CCDC190: variants seen among roughly 807,000 people sequenced by gnomAD.
CCDC190 encodes coiled-coil domain containing 190.
A neutral mutation model predicts 13.1 loss-of-function variants in CCDC190; 10 were observed. The observed-to-expected ratio is 0.77, with a 90% CI of 0.47 to 1.30. The LOEUF (loss-of-function observed/expected upper bound fraction) is 1.30. CCDC190 is among the 50% of genes most tolerant of loss of function. CCDC190 has a pLI of 0.00. For missense variants in CCDC190, 375 were observed against 354.3 expected, an observed-to-expected ratio of 1.06 and a Z score of -0.47; for synonymous variants, 136 against 127.2, an observed-to-expected ratio of 1.07 and a Z score of -0.47.
At chr1:162,860,678 C>T (rs1027532892) in intron 1 of CCDC190, among the ~76,000 whole-genome samples, 1 of 152,048 alleles carries the variant, frequency 6.6e-6, no homozygotes, top group African/African-American at 2.4e-5. Context: ...CTGCCTCAAC[C>T]TCCCTTGTAG....
chr1:162,861,671 G>A (rs1650524017), upstream of CCDC190, among the ~76,000 whole-genome samples: 1 of 152,176 alleles, frequency 6.6e-6, no homozygotes. Context: ...TCAAAGTGGT[G>A]AAAACAGCAC....
In CCDC190 at chr1:162,859,673, G is replaced by A. The variant is rs778594007; in HGVS notation, c.-12-15C>T. 3 of 1,595,840 alleles carry A rather than the reference G, an allele frequency of 1.9e-6. No homozygotes were observed. Among genetic ancestry groups the A allele is most frequent in the Admixed American group, 1.7e-5 (1 of 57,366 alleles). On this transcript the variant is annotated splice_polypyrimidine_tract_variant and intron_variant, in intron 1 of 3. Transcript: ENST00000367912. ...TTCTTTATGGTCTAGAGACAATAAG[G>A]TATCACAAATAACCTGATAAATGGA...
chr1:162,851,601 G>C lies in CCDC190; in HGVS notation c.*3164C>G, dbSNP rs1650110562. The C allele has an allele frequency of 6.6e-6, 1 of 152,006 alleles. No homozygotes were observed. The highest frequency in any genetic ancestry group is 2.4e-5 in the African/African-American group (1 of 41,358). The allele number at this position is 152,006 out of a possible 1,614,324, so 9.4% of individuals were successfully genotyped here. A position where few individuals can be genotyped will look rare whatever the true frequency, so the allele number is the denominator to read the frequency against. ...AGAGAGACTGAGCCTCTACTTCTGG[G>C]AGTTTCCAGCTGCCTCTGCCTGTAG... is the stretch of plus-strand genomic sequence containing the variant. On this transcript the variant is annotated 3_prime_UTR_variant, in exon 4 of 4. Transcript: ENST00000367912.
At chr1:162,860,097 G>C (rs1285750462) in intron 1 of CCDC190, among the ~76,000 whole-genome samples, 2 of 152,120 alleles carry the variant, frequency 1.3e-5, no homozygotes, top group Non-Finnish European at 1.5e-5. Context: ...TTAGGACACG[G>C]CCATTCCTTC....
At position 162,854,261 on chromosome 1, in the gene CCDC190, A is replaced by C. The variant is rs61602289; in HGVS notation, c.*504T>G. 1.1e-3 allele frequency: 1,081 copies of C among 985,612 alleles called. 8 individuals are homozygous for C. The African/African-American group carries it at 0.018, about 16-fold the overall frequency. The allele number at this position is 985,612 out of a possible 1,614,324, so 61.1% of individuals were successfully genotyped here. A position where few individuals can be genotyped will look rare whatever the true frequency, so the allele number is the denominator to read the frequency against. The stretch of plus-strand genomic sequence containing the variant: ...AAATGGAGCTATCTGTAAATAAAGG[A>C]AGGAAGGAAAGGGCTTCCAAAGAGA... On this transcript the variant is annotated 3_prime_UTR_variant, in exon 4 of 4. Coordinates refer to ENST00000367912, the MANE Select transcript of CCDC190 (RefSeq NM_001394065.1).
chr1:162,859,130 GC>G (rs1484775676), intron 2 of CCDC190, among the ~76,000 whole-genome samples: 3 of 152,044 alleles, frequency 2.0e-5, no homozygotes, highest in African/African-American at 7.3e-5. Context: ...AACCAAATCA[GC>G]CCAGATAATG....
At chr1:162,862,155 A>G (rs947743628), upstream of CCDC190, among the ~76,000 whole-genome samples, 1 of 152,160 alleles carries the variant, frequency 6.6e-6, no homozygotes, top group Non-Finnish European at 1.5e-5. Flanking sequence ...ACCCCCAGCT[A>G]GAGGCTTGCT....
At chr1:162,860,629 C>T (rs1018049403) in intron 1 of CCDC190, among the ~76,000 whole-genome samples, 1 of 151,794 alleles carries the variant, frequency 6.6e-6, no homozygotes, top group Non-Finnish European at 1.5e-5. Context: ...GCGATCTCAG[C>T]TCACTGCAAC....
Position 162,859,621 on chromosome 1 carries a change from T to A in CCDC190, c.26A>T (p.Gln9Leu), listed in dbSNP as rs1224438882. The change falls in exon 2 of 4, where the codon CAA becomes CTA. Residue 9 changes from glutamine (Q) to leucine (L), a missense_variant. By Grantham distance (113) the Gln-to-Leu change is moderately radical. Coordinates refer to ENST00000367912, the MANE Select transcript of CCDC190 (RefSeq NM_001394065.1). The stretch of plus-strand genomic sequence containing the variant: ...CTCCAAATCAAAATGCTTATACAAT[T>A]GTCCCCTGACCATGTGCCTCTCCAT... MERHMVRG[Q>L]LYKHFDLERK... 1.2e-6 allele frequency: 2 copies of A among 1,613,732 alleles called. No homozygotes were observed.
At chr1:162,867,418 A>G (rs905864830) in intron 1 of CCDC190, among the ~76,000 whole-genome samples, 1 of 152,192 alleles carries the variant, frequency 6.6e-6, no homozygotes, top group Non-Finnish European at 1.5e-5. Flanking sequence ...ATTTAAATTT[A>G]AAAAAAGTGG....
rs1443478306 is a variant in CCDC190 at position 162,853,128 on chromosome 1, AG to A, written c.*1636del. On this transcript the variant is annotated 3_prime_UTR_variant, in exon 4 of 4. Transcript: ENST00000367912. ...ATTTCTTGTGTTCCTTTCACTATAA[AG>A]TATTGTCTCCCCATTGAAGGCCAGA... 29 of 1,550,482 alleles carry A rather than the reference AG, an allele frequency of 1.9e-5. No homozygotes were observed. Among genetic ancestry groups the A allele is most frequent in the Non-Finnish European group, 2.3e-5 (26 of 1,146,814 alleles).
intron 2 of CCDC190, among the ~76,000 whole-genome samples, chr1:162,858,487 C>A (rs1369707875): frequency 6.6e-6 from 1 of 152,152 alleles, no homozygotes; most frequent in Non-Finnish European, 1.5e-5. Context: ...TCTTTCAAAC[C>A]CAAAGCTGGA....
In CCDC190 at chr1:162,855,229, A is replaced by T; in HGVS notation, c.442T>A (p.Cys148Ser). The T allele has an allele frequency of 6.2e-7, 1 of 1,613,976 alleles. No homozygotes were observed. The highest frequency in any genetic ancestry group is 1.1e-5 in the South Asian group (1 of 91,080). The change falls in exon 4 of 4, where the codon TGC (cysteine) becomes AGC (serine). Residue 148 changes from cysteine to serine, a missense_variant. Cys to Ser is a moderately radical substitution (Grantham distance 112). Coordinates refer to ENST00000367912, the MANE Select transcript of CCDC190 (RefSeq NM_001394065.1). ...QPLSQNNRTA[C>S]FIKEQPQAQE... is the part of the protein sequence containing the mutation. ...GCTTGTGGTTGCTCTTTTATGAAGC[A>T]GGCAGTTCTGTTATTTTGAGAGAGT...
At chr1:162,865,836 A>G (rs1441991428), upstream of CCDC190, among the ~76,000 whole-genome samples, 1 of 152,180 alleles carries the variant, frequency 6.6e-6, no homozygotes, top group Non-Finnish European at 1.5e-5. Context: ...GAGTTAGAAC[A>G]AGGCATAGAT....
At chr1:162,860,058 G>C (rs536111050) in intron 1 of CCDC190, among the ~76,000 whole-genome samples, 1 of 152,028 alleles carries the variant, frequency 6.6e-6, no homozygotes, top group East Asian at 1.9e-4. Flanking sequence ...CAAAGAGACT[G>C]CTCAGAGGTC....
At chr1:162,861,625 C>T (rs893584729), upstream of CCDC190, among the ~76,000 whole-genome samples, 1 of 152,144 alleles carries the variant, frequency 6.6e-6, no homozygotes, top group Admixed American at 6.5e-5. Flanking sequence ...CAGGCCTTTC[C>T]ACATGCTCAG....
At position 162,852,269 on chromosome 1, in the gene CCDC190, T is replaced by C. The variant is rs975765174; in HGVS notation, c.*2496A>G. The C allele has an allele frequency of 2.0e-5, 3 of 152,228 alleles. No individual in the cohort carries two copies. The South Asian group carries it at 6.2e-4, about 32-fold the overall frequency. 9.4% of individuals were successfully genotyped at this position (152,228 alleles called of 1,614,324 possible). A position where few individuals can be genotyped will look rare whatever the true frequency, so the allele number is the denominator to read the frequency against. On this transcript the variant is annotated 3_prime_UTR_variant, in exon 4 of 4. Coordinates refer to ENST00000367912, the MANE Select transcript of CCDC190 (RefSeq NM_001394065.1). ...AAATATCTCTGGACAGTGCTGGATG[T>C]TTTCTGGGGACAGGGGGCACATTTG...
rs977577973 is a variant in CCDC190, at chr1:162,853,674, A to G, written c.*1091T>C. ...TATCCCAGGCTGGGTTACATCAACTATTGATGCCAGAGATGAAATAGGCCC... is the reference window on the plus strand; with the variant it reads ...TATCCCAGGCTGGGTTACATCAACTGTTGATGCCAGAGATGAAATAGGCCC... On this transcript the variant is annotated 3_prime_UTR_variant, in exon 4 of 4. Coordinates refer to ENST00000367912, the MANE Select transcript of CCDC190 (RefSeq NM_001394065.1). 6.6e-6 allele frequency among the ~76,000 whole-genome samples: 1 copy of G among 152,130 alleles called. No homozygotes were observed. Among genetic ancestry groups the G allele is most frequent in the Non-Finnish European group, 1.5e-5 (1 of 68,020 alleles).
rs1456560415 is a variant in CCDC190, at chr1:162,855,017, A to G, written c.654T>C (p.Asp218=). The G allele has an allele frequency of 1.9e-6, 3 of 1,614,000 alleles. No homozygotes were observed. Among genetic ancestry groups the G allele is most frequent in the Non-Finnish European group, 2.5e-6 (3 of 1,179,888 alleles). The part of the protein sequence containing the change: ...TRSKDVALKP[D]GNTGKQIPPK... ...GGGGAATTTGTTTTCCAGTGTTCCC[A>G]TCTGGCTTTAGAGCAACATCTTTTG... Residue 218 remains aspartate (D), a synonymous_variant, in exon 4 of 4, where the codon GAT becomes GAC. Coordinates refer to ENST00000367912, the MANE Select transcript of CCDC190 (RefSeq NM_001394065.1).
Sources: allele counts gnomAD v4.1 joint callset (sites outside exome capture counted in the v4.1 genomes callset), GRCh38; gene constraint gnomAD v4.1.1; transcripts MANE v1.5; gene names NCBI Gene and HGNC (gene_info 2026-07-23, HGNC 2026-07-21).